The following FHIT variants were observed in gnomAD, a reference collection of about 807,000 sequenced individuals.
FHIT encodes the protein fragile histidine triad diadenosine triphosphatase, also known as bis(5'-adenosyl)-triphosphatase.
FHIT carries 19 observed loss-of-function variants against 17.9 expected under a neutral mutation model. The ratio of observed to expected loss-of-function variants is 1.06; its 90% CI spans 0.74 to 1.56. The LOEUF is 1.56. FHIT is among the 40% of genes most tolerant of loss of function. The probability of loss-of-function intolerance (pLI) is 0.00; values close to 1 mark genes in which losing one functional copy is unlikely to be tolerated. For missense variants in FHIT, 248 were observed against 189.2 expected (o/e 1.31, Z -1.82); for synonymous variants, 81 against 69.7 (o/e 1.16, Z -0.81).
chr3:59,787,526 A>ACACACACT (rs1205518012), intron 8 of FHIT, among the ~76,000 whole-genome samples: 88 of 135,250 alleles, frequency 6.5e-4, no homozygotes, highest in African/African-American at 1.9e-3. Context: ...ACACACACAC[A>ACACACACT]CACGTCAAAG....
intron 5 of FHIT, among the ~76,000 whole-genome samples, chr3:60,300,503 A>G (rs1708413206): frequency 6.6e-6 from 1 of 152,032 alleles, no homozygotes; most frequent in South Asian, 2.1e-4. Flanking sequence ...AGGCAGCCCC[A>G]TATTTTGTTT....
chr3:61,133,735 T>C (rs2036829475), intron 2 of FHIT, among the ~76,000 whole-genome samples: 1 of 151,730 alleles, frequency 6.6e-6, no homozygotes, highest in African/African-American at 2.4e-5. Flanking sequence ...ACAGCAAAAA[T>C]ACTGGGAAAG....
chr3:60,471,811 C>A (rs1010888404), intron 5 of FHIT, among the ~76,000 whole-genome samples: 8 of 152,120 alleles, frequency 5.3e-5, no homozygotes, highest in African/African-American at 1.9e-4. Context: ...CCCTGCCACC[C>A]CACCCCTCTC....
At position 60,111,633 on chromosome 3, in the gene FHIT, C is replaced by T. The variant is rs549019884; in HGVS notation, c.104-97481G>A. ...CTCTATAATTAGCTGTCCTTTGCTA[C>T]TGTAAAATTCAGTGTTTTTGTCCAA... On this transcript the variant is annotated intron_variant, in intron 5 of 9. Coordinates refer to ENST00000492590, the MANE Select transcript of FHIT (RefSeq NM_002012.4). Among the ~76,000 whole-genome samples, 5 of 152,346 alleles carry T rather than the reference C, an allele frequency of 3.3e-5. No individual in the cohort carries two copies. In the East Asian group the frequency reaches 9.6e-4, roughly 29 times the overall value.
chr3:60,462,847 G>A (rs1191583479), intron 5 of FHIT, among the ~76,000 whole-genome samples: 2 of 152,012 alleles, frequency 1.3e-5, no homozygotes, highest in African/African-American at 4.8e-5. Context: ...TTTTCTGGCT[G>A]TATCTACACA....
At chr3:60,399,219 G>T (rs1390024124) in intron 5 of FHIT, among the ~76,000 whole-genome samples, 1 of 152,084 alleles carries the variant, frequency 6.6e-6, no homozygotes, top group Non-Finnish European at 1.5e-5. Context: ...AACTTCAAGG[G>T]TTTTTCTGCA....
rs571275955 is a variant in FHIT at position 61,191,030 on chromosome 3, AT to A, written c.-164+9586del. 9.5e-4 allele frequency among the ~76,000 whole-genome samples: 144 copies of A among 152,202 alleles called. 1 individual carries two copies. Among genetic ancestry groups the A allele is most frequent in the African/African-American group, 3.3e-3 (139 of 41,526 alleles). The stretch of plus-strand genomic sequence containing the variant: ...ACACCAACATGGCACATGTATACAT[AT>A]GTAACAAACCTGCACATTGCGTACA... On this transcript the variant is annotated intron_variant, in intron 2 of 9. Coordinates refer to ENST00000492590, the MANE Select transcript of FHIT (RefSeq NM_002012.4).
At chr3:60,946,516 C>A (rs1553775819) in intron 3 of FHIT, among the ~76,000 whole-genome samples, 1 of 152,064 alleles carries the variant, frequency 6.6e-6, no homozygotes, top group African/African-American at 2.4e-5. Flanking sequence ...GAGATATTTG[C>A]AAGTGAGAAA....
intron 4 of FHIT, among the ~76,000 whole-genome samples, chr3:60,633,371 T>C (rs782144925): frequency 6.6e-6 from 1 of 152,184 alleles, no homozygotes; most frequent in African/African-American, 2.4e-5. Flanking sequence ...TCAAATAATA[T>C]GTGTAAAGCT....
rs556691814 is a variant in FHIT at position 60,078,043 on chromosome 3, A to G, written c.104-63891T>C. On this transcript the variant is annotated intron_variant, in intron 5 of 9. Transcript: ENST00000492590. ...GCCCTTCCTTACAGAATTTCAAGTC[A>G]TAAATAAGGAGTAATTAAATTAGAA... Among the ~76,000 whole-genome samples the G allele has an allele frequency of 1.5e-3, 228 of 152,280 alleles. 1 individual carries two copies. The highest frequency in any genetic ancestry group is 4.5e-3 in the African/African-American group (189 of 41,578).
chr3:60,996,452 T>C (rs943756510), intron 3 of FHIT, among the ~76,000 whole-genome samples: 1 of 152,222 alleles, frequency 6.6e-6, no homozygotes, highest in Non-Finnish European at 1.5e-5. Context: ...TCCACCCTTA[T>C]GATTTTGTTC....
intron 5 of FHIT, among the ~76,000 whole-genome samples, chr3:60,146,027 T>C (rs545830561): frequency 1.3e-5 from 2 of 151,132 alleles, no homozygotes; most frequent in South Asian, 2.1e-4. Context: ...TTTCCTCATA[T>C]TTTCTAATCT....
chr3:60,612,093 T>A (rs150400572), intron 4 of FHIT, among the ~76,000 whole-genome samples: 1 of 152,238 alleles, frequency 6.6e-6, no homozygotes, highest in Admixed American at 6.5e-5. Context: ...TATCCTGACT[T>A]CTTACCCAAA....
At chr3:59,869,867 T>C (rs920447442) in intron 8 of FHIT, among the ~76,000 whole-genome samples, 1 of 152,142 alleles carries the variant, frequency 6.6e-6, no homozygotes, top group South Asian at 2.1e-4. Context: ...GAAATTTTAC[T>C]CTTAGTTTTC....
chr3:60,188,808 C>T (rs1212076923), intron 5 of FHIT, among the ~76,000 whole-genome samples: 2 of 152,026 alleles, frequency 1.3e-5, no homozygotes, highest in African/African-American at 4.8e-5. Context: ...AGTAAGCCAC[C>T]TTGTATTCTT....
chr3:60,885,180 T>C (rs1705169234), intron 3 of FHIT, among the ~76,000 whole-genome samples: 1 of 152,136 alleles, frequency 6.6e-6, no homozygotes, highest in African/African-American at 2.4e-5. Flanking sequence ...TATTTCAAAA[T>C]AGCTGCAAGA....
intron 7 of FHIT, among the ~76,000 whole-genome samples, chr3:59,972,911 G>A (rs529919162): frequency 6.6e-6 from 1 of 152,066 alleles, no homozygotes; most frequent in South Asian, 2.1e-4. Context: ...TCAGTCACAG[G>A]CTCCCTCACT....
At position 60,981,518 on chromosome 3, in the gene FHIT, C is replaced by T. The variant is rs111330393; in HGVS notation, c.-111+60529G>A. Among the ~76,000 whole-genome samples the T allele has an allele frequency of 3.3e-3, 494 of 151,878 alleles. 3 individuals carry two copies. The highest frequency in any genetic ancestry group is 5.1e-3 in the Non-Finnish European group (346 of 67,946). The stretch of plus-strand genomic sequence containing the variant: ...TAGAGATGGGGTTTCACTGTGTTGC[C>T]CAGGCTGGTCTCGAACTCCTGAGCT... On this transcript the variant is annotated intron_variant, in intron 3 of 9. Transcript: ENST00000492590.
At chr3:61,247,364 T>A (rs1352958623) in intron 1 of FHIT, among the ~76,000 whole-genome samples, 1 of 152,174 alleles carries the variant, frequency 6.6e-6, no homozygotes, top group Non-Finnish European at 1.5e-5. Flanking sequence ...CCCACGGTCA[T>A]TGCCCCAGGA....
Sources: allele counts gnomAD v4.1 joint callset (sites outside exome capture counted in the v4.1 genomes callset), GRCh38; gene constraint gnomAD v4.1.1; transcripts MANE v1.5; gene names NCBI Gene and HGNC (gene_info 2026-07-23, HGNC 2026-07-21).